Variants in TRIM72 observed in about 807,000 individuals in gnomAD.
TRIM72 encodes the protein tripartite motif-containing protein 72.
A neutral mutation model predicts 31.6 loss-of-function variants in TRIM72; 33 were observed. The observed-to-expected ratio is 1.04, with a 90% confidence interval of 0.79 to 1.40. The LOEUF (loss-of-function observed/expected upper bound fraction) is 1.40, where lower values mean the gene tolerates loss of function less well. TRIM72 is among the 40% of genes most tolerant of loss of function. TRIM72 has a pLI of 0.00. For missense variants in TRIM72, 666 were observed against 682.7 expected (o/e 0.98, Z 0.27); for synonymous variants, 301 against 314.4 (o/e 0.96, Z 0.45).
rs1280294305 is a variant in TRIM72 at position 31,226,838 on chromosome 16, A to T, written c.*2083A>T. 2.0e-5 allele frequency: 3 copies of T among 152,232 alleles called. No individual in the cohort carries two copies. Among genetic ancestry groups the T allele is most frequent in the African/African-American group, 7.2e-5 (3 of 41,404 alleles). The allele number at this position is 152,232 out of a possible 1,614,324, so 9.4% of individuals were successfully genotyped here. On this transcript the variant is annotated 3_prime_UTR_variant, in exon 7 of 7. Coordinates refer to ENST00000322122, the MANE Select transcript of TRIM72 (RefSeq NM_001008274.4). ...CGCTGGCCTGGGGTCACTCATTTTC[A>T]CGGGGAGGGTGTGCTGGCGGGATGG...
chr16:31,218,972 A>G (rs1410142577), intron 2 of TRIM72, 123 bp from the exon 3 acceptor site: 1 of 881,114 alleles, frequency 1.1e-6, no homozygotes, highest in African/African-American at 1.7e-5. Context: ...GGGTTTGGGG[A>G]TGGGAAGATG....
In TRIM72 at chr16:31,228,082, T is replaced by A. The variant is rs1307145250; in HGVS notation, c.*3327T>A. ...CTCCTGCCTCAGCCTCCCGAGTAGC[T>A]GGGACTATAGGCAGGTGACACTACG... On this transcript the variant is annotated 3_prime_UTR_variant, in exon 7 of 7. Transcript: ENST00000322122. The A allele has an allele frequency of 1.3e-5, 2 of 152,370 alleles. No individual in the cohort carries two copies. Among genetic ancestry groups the A allele is most frequent in the Admixed American group, 1.3e-4 (2 of 15,264 alleles). 9.4% of individuals were successfully genotyped at this position (152,370 alleles called of 1,614,324 possible).
chr16:31,217,549 T>C (rs1224549238), intron 2 of TRIM72, among the ~76,000 whole-genome samples: 3 of 150,798 alleles, frequency 2.0e-5, no homozygotes, highest in African/African-American at 4.9e-5. Flanking sequence ...CTCCTATATT[T>C]GCATATTTGC....
At chr16:31,217,109 C>T (rs1327585471) in intron 2 of TRIM72, 12 of 1,428,776 alleles carry the variant, frequency 8.4e-6, no homozygotes, top group Non-Finnish European at 1.0e-5. Context: ...GAGCTGCCGC[C>T]CCCGGGGATG....
In TRIM72 at chr16:31,224,448, C is replaced by T; in HGVS notation, c.1127C>T (p.Pro376Leu). Residue 376 changes from proline (P) to leucine (L), a missense_variant, in exon 7 of 7, where the codon CCC (proline) becomes CTC (leucine). By Grantham distance (98) the Pro-to-Leu change is moderately conservative. Transcript: ENST00000322122. ...APRRGRLHAV[P>L]SQGLWLLGLR... ...CGCCGCGGGCGCCTGCACGCGGTGC[C>T]CTCGCAGGGCCTGTGGCTGCTGGGG... The T allele has an allele frequency of 2.8e-6, 4 of 1,441,664 alleles. No individual in the cohort carries two copies. Among genetic ancestry groups the T allele is most frequent in the Non-Finnish European group, 3.6e-6 (4 of 1,110,768 alleles). The allele number at this position is 1,441,664 out of a possible 1,614,324, so 89.3% of individuals were successfully genotyped here. A position where few individuals can be genotyped will look rare whatever the true frequency, so the allele number is the denominator to read the frequency against.
chr16:31,215,162 C>G lies in TRIM72; in HGVS notation c.390+34C>G. 7.0e-7 allele frequency: 1 copy of G among 1,426,680 alleles called. No individual in the cohort carries two copies. The highest frequency in any genetic ancestry group is 9.1e-7 in the Non-Finnish European group (1 of 1,098,920). 88.4% of individuals were successfully genotyped at this position (1,426,680 alleles called of 1,614,324 possible). A position where few individuals can be genotyped will look rare whatever the true frequency, so the allele number is the denominator to read the frequency against. On this transcript the variant is annotated intron_variant, in intron 2 of 6. Coordinates refer to ENST00000322122, the MANE Select transcript of TRIM72 (RefSeq NM_001008274.4). This position sits in a 1 kb window ranked among gnomAD's most constrained non-coding sequence, Gnocchi z 6.3. ...TCCGCGCGCATCGTGGTCGGAGGGG[C>G]TGTTCGGTGGCACGGGGCCGATGGG...
intron 2 of TRIM72, among the ~76,000 whole-genome samples, chr16:31,218,522 A>G (rs928790195): frequency 3.3e-5 from 5 of 152,054 alleles, no homozygotes; most frequent in African/African-American, 9.7e-5. Context: ...CTCTACTAAA[A>G]ATACCAAAAT....
At chr16:31,222,195 C>T (rs911566714) in intron 5 of TRIM72, among the ~76,000 whole-genome samples, 3 of 152,114 alleles carry the variant, frequency 2.0e-5, no homozygotes, top group Non-Finnish European at 4.4e-5. Context: ...CAGTTCGAGA[C>T]TAGCCTGGCC....
Position 31,224,356 on chromosome 16 carries a change from C to G in TRIM72, c.1035C>G (p.His345Gln). ...VAHQQLSEGE[H>Q]YWEVDVGDKP... Reference sequence around the variant, plus strand: ...ACCAGCAGCTCTCCGAGGGCGAGCACTACTGGGAGGTGGATGTTGGCGACA... The same window carrying G: ...ACCAGCAGCTCTCCGAGGGCGAGCAGTACTGGGAGGTGGATGTTGGCGACA... Residue 345 changes from histidine to glutamine, a missense_variant, in exon 7 of 7, where the codon CAC becomes CAG. His to Gln is a conservative substitution (Grantham distance 24). Coordinates refer to ENST00000322122, the MANE Select transcript of TRIM72 (RefSeq NM_001008274.4). The G allele has an allele frequency of 6.5e-7, 1 of 1,546,660 alleles. No individual in the cohort carries two copies. Among genetic ancestry groups the G allele is most frequent in the East Asian group, 2.4e-5 (1 of 41,774 alleles).
chr16:31,215,043 C>A lies in TRIM72; in HGVS notation c.305C>A (p.Ala102Glu). ...AGCATCTACTGCGAGCAGGACCGCG[C>A]GCTGGTGTGCGGAGTGTGCGCCTCA... ...PLSIYCEQDR[A>E]LVCGVCASLG... is the part of the protein sequence containing the mutation. Residue 102 changes from alanine (A) to glutamate (E), a missense_variant, in exon 2 of 7, where the codon GCG becomes GAG. Transcript: ENST00000322122. The surrounding 1 kb of genome is among the most constrained non-coding windows in gnomAD (Gnocchi z 6.3). 5 of 1,500,968 alleles carry A rather than the reference C, an allele frequency of 3.3e-6. No homozygotes were observed. Among genetic ancestry groups the A allele is most frequent in the Non-Finnish European group, 3.5e-6 (4 of 1,133,974 alleles). The allele number at this position is 1,500,968 out of a possible 1,614,324, so 93.0% of individuals were successfully genotyped here.
intron 5 of TRIM72, 80 bp from the exon 6 acceptor site, chr16:31,222,747 G>C: frequency 1.4e-6 from 1 of 709,464 alleles, no homozygotes; most frequent in Non-Finnish European, 2.3e-6. Context: ...GCAGGGGTGC[G>C]ATGTGGGGAG....
At chr16:31,217,522 C>T (rs1323309593) in intron 2 of TRIM72, among the ~76,000 whole-genome samples, 1 of 145,624 alleles carries the variant, frequency 6.9e-6, no homozygotes, top group African/African-American at 2.5e-5. Context: ...ATGGCTTTGG[C>T]AGGAGTATTG....
chr16:31,224,077 G>A, intron 6 of TRIM72, 104 bp from the exon 7 acceptor site: 1 of 1,344,376 alleles, frequency 7.4e-7, no homozygotes, highest in Non-Finnish European at 1.0e-6. Flanking sequence ...AGTGAGCAGA[G>A]ATGCCAAGAG....
rs1307101605 is a variant in TRIM72, at chr16:31,215,092, C to A, written c.354C>A (p.Arg118=). ...CASLGSHRGH[R]LLPAAEAHAR... is the part of the protein sequence containing the mutation. ...CACTCGGCTCGCACCGCGGTCATCG[C>A]CTCCTGCCTGCCGCCGAGGCCCACG... is the stretch of plus-strand genomic sequence containing the variant. Residue 118 remains arginine, a synonymous_variant, in exon 2 of 7, where the codon CGC becomes CGA. Transcript: ENST00000322122. This position sits in a 1 kb window ranked among gnomAD's most constrained non-coding sequence, Gnocchi z 6.3. The A allele has an allele frequency of 6.9e-6, 10 of 1,448,848 alleles. No individual in the cohort carries two copies. Among genetic ancestry groups the A allele is most frequent in the Non-Finnish European group, 9.0e-6 (10 of 1,110,708 alleles). The allele number at this position is 1,448,848 out of a possible 1,614,324, so 89.7% of individuals were successfully genotyped here.
Position 31,227,367 on chromosome 16 carries a change from A to G in TRIM72, c.*2612A>G, listed in dbSNP as rs1053284108. The G allele has an allele frequency of 6.6e-6, 1 of 152,312 alleles. No homozygotes were observed. Among genetic ancestry groups the G allele is most frequent in the Non-Finnish European group, 1.5e-5 (1 of 68,162 alleles). 9.4% of individuals were successfully genotyped at this position (152,312 alleles called of 1,614,324 possible). On this transcript the variant is annotated 3_prime_UTR_variant, in exon 7 of 7. Transcript: ENST00000322122. ...GGCTTAGCATTTGAGCTGTTCTGCC[A>G]TTTTTTTTGTTGGTTGGTTTGTTTG...
At position 31,219,180 on chromosome 16, in the gene TRIM72, T is replaced by G. The variant is rs553295367; in HGVS notation, c.476T>G (p.Val159Gly). 9.9e-6 allele frequency: 16 copies of G among 1,611,736 alleles called. No individual in the cohort carries two copies. The Middle Eastern group carries it at 2.3e-3, about 233-fold the overall frequency. The change falls in exon 3 of 7, where the codon GTG becomes GGG. Residue 159 changes from valine (V) to glycine (G), a missense_variant. Transcript: ENST00000322122. The surrounding 1 kb of genome is among the most constrained non-coding windows in gnomAD (Gnocchi z 4.2). ...KSVAVLEHQL[V>G]EVEETVRQFR... is the part of the protein sequence containing the mutation. The stretch of plus-strand genomic sequence containing the variant: ...GTGGCTGTGCTGGAGCATCAGCTGG[T>G]GGAGGTGGAGGTGAGGACTTCACAG...
At chr16:31,218,356 G>C (rs2079519376) in intron 2 of TRIM72, among the ~76,000 whole-genome samples, 1 of 152,064 alleles carries the variant, frequency 6.6e-6, no homozygotes, top group African/African-American at 2.4e-5. Context: ...ACCAGTCTGG[G>C]CAATATAGTG....
Position 31,215,344 on chromosome 16 carries a change from C to A in TRIM72, c.390+216C>A, listed in dbSNP as rs2079502983. Reference sequence around the variant, plus strand: ...AAAGCCGCGCAGGGATGGAGCCTGGCGATAAGGGCGCTGAGCAAACGTAGG... The same window carrying A: ...AAAGCCGCGCAGGGATGGAGCCTGGAGATAAGGGCGCTGAGCAAACGTAGG... On this transcript the variant is annotated intron_variant, in intron 2 of 6. Coordinates refer to ENST00000322122, the MANE Select transcript of TRIM72 (RefSeq NM_001008274.4). The surrounding 1 kb of genome is among the most constrained non-coding windows in gnomAD (Gnocchi z 6.3). Among the ~76,000 whole-genome samples the A allele has an allele frequency of 1.3e-5, 2 of 152,146 alleles. No homozygotes were observed. Among genetic ancestry groups the A allele is most frequent in the Non-Finnish European group, 2.9e-5 (2 of 68,030 alleles).
At position 31,229,521 on chromosome 16, in the gene TRIM72, C is replaced by G. The variant is rs1028600291; in HGVS notation, c.*4766C>G. The G allele has an allele frequency of 5.3e-5, 8 of 152,220 alleles. No homozygotes were observed. Among genetic ancestry groups the G allele is most frequent in the Non-Finnish European group, 1.2e-4 (8 of 68,082 alleles). The allele number at this position is 152,220 out of a possible 1,614,324, so 9.4% of individuals were successfully genotyped here. A position where few individuals can be genotyped will look rare whatever the true frequency, so the allele number is the denominator to read the frequency against. On this transcript the variant is annotated 3_prime_UTR_variant, in exon 7 of 7. Transcript: ENST00000322122. ...GAGGTGGGCTTTGTGGGAAAAGCTGCGTAATCCAGGTGGTCCTTGTCGGGT... is the reference window on the plus strand; with the variant it reads ...GAGGTGGGCTTTGTGGGAAAAGCTGGGTAATCCAGGTGGTCCTTGTCGGGT...
Sources: gnomAD v4.1 joint callset for allele counts (sites outside exome capture counted in the v4.1 genomes callset) on GRCh38, gnomAD v4.1.1 for gene constraint, Gnocchi (gnomAD v3.1) non-coding constraint, MANE v1.5 for transcripts, NCBI Gene and HGNC (gene_info 2026-07-23, HGNC 2026-07-21) for gene names.